Variants in C2CD3 observed in about 807,000 individuals in gnomAD.
The protein encoded by C2CD3 is C2 domain containing 3 centriole elongation regulator, also known as C2 domain-containing protein 3.
In C2CD3, 148 loss-of-function variants were observed where a neutral mutation model predicts 234.0. The observed-to-expected ratio is 0.63, with a 90% CI of 0.55 to 0.72. The LOEUF is 0.72. Among genes scored for constraint, C2CD3 ranks in the 30% least tolerant of loss-of-function variants. C2CD3 has a pLI of 0.00. For synonymous variants in C2CD3, 1,000 were observed against 1,035.4 expected (o/e 0.97, Z 0.66); for missense variants, 2,577 against 2,811.5 (o/e 0.92, Z 1.89).
chr11:74,092,140 C>T (rs1339702367), intron 19 of C2CD3, among the ~76,000 whole-genome samples: 1 of 151,706 alleles, frequency 6.6e-6, no homozygotes, highest in Non-Finnish European at 1.5e-5. Flanking sequence ...GCAACCTCTG[C>T]CTCCTGGGTT....
At chr11:74,062,008 A>G (rs1468764569) in intron 24 of C2CD3, among the ~76,000 whole-genome samples, 1 of 152,200 alleles carries the variant, frequency 6.6e-6, no homozygotes. Flanking sequence ...AAACCAACAA[A>G]GATCAAAAGA....
intron 3 of C2CD3, among the ~76,000 whole-genome samples, chr11:74,150,312 A>G (rs1453093563): frequency 6.6e-6 from 1 of 151,190 alleles, no homozygotes; most frequent in East Asian, 1.9e-4. Context: ...CCCTGTCTCT[A>G]CTTAAAAAAA....
chr11:74,104,745 TC>T (rs1243995122), intron 13 of C2CD3, among the ~76,000 whole-genome samples: 4 of 151,216 alleles, frequency 2.6e-5, no homozygotes, highest in Admixed American at 6.6e-5. Flanking sequence ...GGTAAAAGGT[TC>T]TTGCTGTTTC....
chr11:74,166,488 G>A (rs1856822189), intron 2 of C2CD3, among the ~76,000 whole-genome samples: 1 of 152,022 alleles, frequency 6.6e-6, no homozygotes, highest in Non-Finnish European at 1.5e-5. Context: ...CAATTTACTG[G>A]TGGGAAAATT....
Position 74,138,763 on chromosome 11 carries a change from G to T in C2CD3, c.912C>A (p.Cys304Ter). 1 of 1,610,664 alleles carries T rather than the reference G, an allele frequency of 6.2e-7. No individual in the cohort carries two copies. Reference sequence around the variant, plus strand: ...TAGGGAGGTTGTTTGAAGAAAGAATGCATGAGTCACTGTGACTCTTGGCAA... The same window carrying T: ...TAGGGAGGTTGTTTGAAGAAAGAATTCATGAGTCACTGTGACTCTTGGCAA... ...RTVAKSHSDSCILSSNNLPTK... is the reference protein window; with the variant it reads ...RTVAKSHSDS The change falls in exon 5 of 33, where the codon TGC (cysteine) becomes TGA (stop). Residue 304 changes from cysteine (C) to a stop codon, truncating the protein, a stop_gained. Transcript: ENST00000334126. LOFTEE classifies it high-confidence loss of function.
intron 5 of C2CD3, among the ~76,000 whole-genome samples, chr11:74,137,992 C>T (rs1308160650): frequency 6.6e-6 from 1 of 152,146 alleles, no homozygotes; most frequent in African/African-American, 2.4e-5. Context: ...ATTATGTACC[C>T]AAATAGTTAT....
intron 26 of C2CD3, among the ~76,000 whole-genome samples, chr11:74,051,712 C>T (rs1953700451): frequency 6.6e-6 from 1 of 152,186 alleles, no homozygotes; most frequent in African/African-American, 2.4e-5. Flanking sequence ...CATCCTAAGT[C>T]TGGGTTAGAC....
intron 30 of C2CD3, among the ~76,000 whole-genome samples, chr11:74,035,337 GTCT>G (rs1952687556): frequency 6.6e-6 from 1 of 152,198 alleles, no homozygotes; most frequent in African/African-American, 2.4e-5. Flanking sequence ...TCTCAGAGCA[GTCT>G]TCTTGCTTTT....
intron 1 of C2CD3, among the ~76,000 whole-genome samples, chr11:74,169,200 T>C (rs1400481562): frequency 1.3e-5 from 2 of 152,244 alleles, no homozygotes; most frequent in Non-Finnish European, 2.9e-5. Context: ...ACACAGTCAG[T>C]GAGGACACAG....
intron 32 of C2CD3, among the ~76,000 whole-genome samples, chr11:74,027,687 C>A (rs916493575): frequency 6.6e-6 from 1 of 152,136 alleles, no homozygotes; most frequent in Non-Finnish European, 1.5e-5. Context: ...GCTCAGTATC[C>A]AGCATGACAC....
chr11:74,103,710 T>C, intron 13 of C2CD3, 85 bp from the exon 14 acceptor site: 1 of 1,111,484 alleles, frequency 9.0e-7, no homozygotes, highest in Non-Finnish European at 1.3e-6. Context: ...AACATCAGAT[T>C]ATTAGGAAAT....
rs1265234544 is a variant in C2CD3 at position 74,121,163 on chromosome 11, T to C, written c.1365+1825A>G. Among the ~76,000 whole-genome samples the C allele has an allele frequency of 5.9e-5, 9 of 152,316 alleles. No homozygotes were observed. The East Asian group carries it at 1.5e-3, about 26-fold the overall frequency. Reference sequence around the variant, plus strand: ...TCAAGGCTGATGACACACTGTGGTCTAGTAGAAAAACATACAGGCTTTTTG... The same window carrying C: ...TCAAGGCTGATGACACACTGTGGTCCAGTAGAAAAACATACAGGCTTTTTG... On this transcript the variant is annotated intron_variant, in intron 8 of 32. Transcript: ENST00000334126.
At chr11:74,063,753 T>C (rs905527732) in intron 24 of C2CD3, among the ~76,000 whole-genome samples, 2 of 152,110 alleles carry the variant, frequency 1.3e-5, no homozygotes, top group South Asian at 2.1e-4. Context: ...CTATTCAACA[T>C]AGTGTTGTAA....
intron 2 of C2CD3, 110 bp downstream of exon 2, chr11:74,168,234 A>C: frequency 2.3e-6 from 2 of 861,320 alleles, no homozygotes; most frequent in Non-Finnish European, 3.7e-6. Flanking sequence ...TGACTCTTCA[A>C]TAATTAAGAA....
chr11:74,085,784 G>T lies in C2CD3; in HGVS notation c.3744C>A (p.Arg1248=). 6.2e-7 allele frequency: 1 copy of T among 1,614,124 alleles called. No homozygotes were observed. Among genetic ancestry groups the T allele is most frequent in the African/African-American group, 1.3e-5 (1 of 75,036 alleles). Residue 1248 remains arginine, a synonymous_variant, in exon 21 of 33, where the codon CGC becomes CGA. Coordinates refer to ENST00000334126, the MANE Select transcript of C2CD3 (RefSeq NM_001286577.2). ...AAGAACAGGCCACAGGGTGGGTTCG[G>T]CGCTGTTCTCCCTGGGGCAGGAAGG... ...HLSFLPQGEQ[R]RTHPVACSFC...
At chr11:74,132,088 T>C (rs1293558684) in intron 7 of C2CD3, among the ~76,000 whole-genome samples, 1 of 152,164 alleles carries the variant, frequency 6.6e-6, no homozygotes, top group Non-Finnish European at 1.5e-5. Context: ...CTGTGGCTCA[T>C]GCTTGTAATC....
intron 3 of C2CD3, among the ~76,000 whole-genome samples, chr11:74,147,706 A>G (rs1177325233): frequency 6.6e-6 from 1 of 152,238 alleles, no homozygotes; most frequent in Non-Finnish European, 1.5e-5. Context: ...ACAAGGAACC[A>G]TATTTCATTC....
chr11:74,033,968 A>G lies in C2CD3; in HGVS notation c.6192T>C (p.Tyr2064=). Residue 2064 remains tyrosine (Y), a synonymous_variant, in exon 31 of 33, where the codon TAT becomes TAC. Transcript: ENST00000334126. ...EAGPAYSDED[Y]EEDIIEPRTL... is the part of the protein sequence containing the mutation. ...TCCTGGGCTCAATGATGTCTTCTTC[A>G]TAGTCCTCATCACTGTAGGCTGGGC... is the stretch of plus-strand genomic sequence containing the variant. 6.5e-7 allele frequency: 1 copy of G among 1,536,384 alleles called. No homozygotes were observed. Among genetic ancestry groups the G allele is most frequent in the East Asian group, 2.4e-5 (1 of 40,914 alleles).
At chr11:74,027,096 G>GCTCTGAGCCT (rs2135407309) in intron 32 of C2CD3, among the ~76,000 whole-genome samples, 1 of 151,982 alleles carries the variant, frequency 6.6e-6, no homozygotes, top group Non-Finnish European at 1.5e-5. Flanking sequence ...AGTATGTGAA[G>GCTCTGAGCCT]CTCTGAGCCT....
Sources: gnomAD v4.1 joint callset for allele counts (sites outside exome capture counted in the v4.1 genomes callset) on GRCh38, gnomAD v4.1.1 for gene constraint, MANE v1.5 for transcripts, NCBI Gene and HGNC (gene_info 2026-07-23, HGNC 2026-07-21) for gene names.